Variants in ARHGAP6 observed in about 807,000 individuals in gnomAD.
The protein encoded by ARHGAP6 is Rho GTPase activating protein 6.
ARHGAP6 carries 16 observed loss-of-function variants against 55.7 expected under a neutral mutation model. The observed-to-expected ratio is 0.29, with a 90% CI of 0.19 to 0.44. The LOEUF is 0.44. Ranked by LOEUF, ARHGAP6 falls within the 20% of genes least tolerant of loss-of-function variation. ARHGAP6 has a pLI of 1.00. For synonymous variants in ARHGAP6, 382 were observed against 360.9 expected, an observed-to-expected ratio of 1.06 and a Z score of -0.66; for missense variants, 698 against 808.9, an observed-to-expected ratio of 0.86 and a Z score of 1.66.
At chrX:11,387,082 A>G (rs2049337737) in intron 1 of ARHGAP6, among the ~76,000 whole-genome samples, 2 of 112,084 alleles carry the variant, frequency 1.8e-5, no homozygotes, top group African/African-American at 6.5e-5. Flanking sequence ...AAATAATAAC[A>G]AGGGATAGGC....
chrX:11,645,062 A>G (rs899080566), intron 1 of ARHGAP6, among the ~76,000 whole-genome samples: 1 of 112,062 alleles, frequency 8.9e-6, no homozygotes, highest in African/African-American at 3.2e-5. Flanking sequence ...AAGACATTAT[A>G]TTGAGCAAAA....
At chrX:11,360,057 A>G (rs2048989386) in intron 1 of ARHGAP6, among the ~76,000 whole-genome samples, 1 of 111,784 alleles carries the variant, frequency 8.9e-6, no homozygotes, top group Non-Finnish European at 1.9e-5. Flanking sequence ...ATGGATTCAC[A>G]GCCGAATTCT....
At chrX:11,649,757 A>AT (rs1030505902) in intron 1 of ARHGAP6, among the ~76,000 whole-genome samples, 9 of 111,783 alleles carry the variant, frequency 8.1e-5, no homozygotes, top group Middle Eastern at 4.6e-3. Context: ...CCAACCTTTC[A>AT]TTTTTTATTA....
At chrX:11,204,005 G>A (rs770047403) in intron 2 of ARHGAP6, among the ~76,000 whole-genome samples, 1 of 112,284 alleles carries the variant, frequency 8.9e-6, no homozygotes, top group African/African-American at 3.2e-5. Flanking sequence ...GCAAGACCCT[G>A]ATGATGCTCA....
intron 2 of ARHGAP6, among the ~76,000 whole-genome samples, chrX:11,235,628 G>T (rs768121381): frequency 9.0e-5 from 10 of 111,335 alleles, no homozygotes; most frequent in Non-Finnish European, 1.7e-4. Context: ...CCTCTTGAAG[G>T]TTTTGCTGCT....
intron 2 of ARHGAP6, among the ~76,000 whole-genome samples, chrX:11,232,211 T>C (rs1055528230): frequency 8.9e-6 from 1 of 112,093 alleles, no homozygotes; most frequent in African/African-American, 3.2e-5. Context: ...TTTGTATCCA[T>C]TGTCCAGCAT....
intron 1 of ARHGAP6, among the ~76,000 whole-genome samples, chrX:11,450,137 G>A (rs769681802): frequency 4.5e-5 from 5 of 110,754 alleles, no homozygotes; most frequent in South Asian, 3.9e-4. Flanking sequence ...CTGACAGGTC[G>A]TTGATATTTG....
At chrX:11,661,946 T>C (rs2052707632) in intron 1 of ARHGAP6, among the ~76,000 whole-genome samples, 1 of 112,053 alleles carries the variant, frequency 8.9e-6, no homozygotes, top group African/African-American at 3.2e-5. Context: ...GGGGTGCTGC[T>C]AAATACCCCG....
chrX:11,591,398 TTAATTATA>T (rs2051833363), intron 1 of ARHGAP6, among the ~76,000 whole-genome samples: 2 of 108,544 alleles, frequency 1.8e-5, no homozygotes, highest in Admixed American at 2.0e-4. Context: ...AAATAATTAT[TTAATTATA>T]TAATTATTAA....
At chrX:11,290,578 G>C in intron 1 of ARHGAP6, 1 of 268,555 alleles carries the variant, frequency 3.7e-6, no homozygotes, top group Non-Finnish European at 7.1e-6. Flanking sequence ...GCCAGCTTTG[G>C]CTCCAGCTAC....
intron 1 of ARHGAP6, among the ~76,000 whole-genome samples, chrX:11,539,292 T>C (rs939139343): frequency 1.8e-5 from 2 of 112,224 alleles, no homozygotes; most frequent in Non-Finnish European, 3.8e-5. Flanking sequence ...TGAGAACCAC[T>C]GCTATAGTTC....
chrX:11,601,356 GGA>G (rs1384026502), intron 1 of ARHGAP6, among the ~76,000 whole-genome samples: 1 of 111,023 alleles, frequency 9.0e-6, no homozygotes, highest in African/African-American at 3.3e-5. Flanking sequence ...AAGTAGAGCT[GGA>G]GAGAGGGGAT....
chrX:11,485,513 A>G (rs1251266598), intron 1 of ARHGAP6, among the ~76,000 whole-genome samples: 1 of 112,572 alleles, frequency 8.9e-6, no homozygotes, highest in Non-Finnish European at 1.9e-5. Flanking sequence ...TCATGCAATA[A>G]ACATTATTTT....
At chrX:11,209,009 C>G (rs1219626632) in intron 2 of ARHGAP6, among the ~76,000 whole-genome samples, 1 of 111,886 alleles carries the variant, frequency 8.9e-6, no homozygotes, top group Non-Finnish European at 1.9e-5. Flanking sequence ...GAAGGGAAGA[C>G]CAACTATGTA....
chrX:11,298,017 T>C (rs767136874), intron 1 of ARHGAP6: 3 of 942,202 alleles, frequency 3.2e-6, no homozygotes, highest in Admixed American at 2.2e-5. Flanking sequence ...TAAGAAAAGA[T>C]GAAGAATGTG....
At chrX:11,340,064 A>G (rs2048684448) in intron 1 of ARHGAP6, among the ~76,000 whole-genome samples, 1 of 111,864 alleles carries the variant, frequency 8.9e-6, no homozygotes, top group South Asian at 3.7e-4. Context: ...TTAACAGTCA[A>G]CTGGATGGTG....
At chrX:11,215,990 G>A (rs180828859) in intron 2 of ARHGAP6, among the ~76,000 whole-genome samples, 25 of 111,546 alleles carry the variant, frequency 2.2e-4, no homozygotes, top group African/African-American at 7.8e-4. Context: ...CGATGGATGC[G>A]GTCCTGACGT....
At chrX:11,272,931 G>T (rs903283021) in intron 1 of ARHGAP6, among the ~76,000 whole-genome samples, 3 of 112,159 alleles carry the variant, frequency 2.7e-5, no homozygotes, top group Non-Finnish European at 5.6e-5. Flanking sequence ...TTGAATTCAA[G>T]TTCAGCATAT....
intron 1 of ARHGAP6, among the ~76,000 whole-genome samples, chrX:11,595,162 C>T (rs751804138): frequency 3.3e-4 from 37 of 110,603 alleles, no homozygotes; most frequent in South Asian, 1.2e-3. Context: ...TGGTGGCGTA[C>T]GCCTATAATC....
Sources: allele counts gnomAD v4.1 joint callset (sites outside exome capture counted in the v4.1 genomes callset), GRCh38; gene constraint gnomAD v4.1.1; transcripts MANE v1.5; gene names NCBI Gene and HGNC (gene_info 2026-07-23, HGNC 2026-07-21).